GALNT13: variants seen among roughly 807,000 people sequenced by gnomAD.
GALNT13 encodes polypeptide N-acetylgalactosaminyltransferase 13.
Under a neutral mutation model 64.2 loss-of-function variants are expected in GALNT13, and 28 were observed. The observed-to-expected ratio is 0.44, with a 90% confidence interval of 0.32 to 0.60. The LOEUF (loss-of-function observed/expected upper bound fraction) is 0.60. Ranked by LOEUF, GALNT13 falls within the 20% of genes least tolerant of loss-of-function variation. The pLI is 0.05. For synonymous variants in GALNT13, 214 were observed against 224.6 expected (o/e 0.95, Z 0.42); for missense variants, 577 against 669.8 (o/e 0.86, Z 1.53).
the GALNT13 span, among the ~76,000 whole-genome samples, chr2:153,672,566 A>C: frequency 6.6e-6 from 1 of 152,182 alleles, no homozygotes; most frequent in Admixed American, 6.5e-5. Flanking sequence ...TGTAGGGGGA[A>C]ATTTGTAGCA....
the GALNT13 span, among the ~76,000 whole-genome samples, chr2:153,150,086 A>G: frequency 3.7e-3 from 558 of 151,960 alleles, 5 homozygotes; most frequent in African/African-American, 0.013. Flanking sequence ...CAGCATGTCT[A>G]TGGAAGAAAA....
intron 4 of GALNT13, among the ~76,000 whole-genome samples, chr2:154,240,991 C>T (rs998999533): frequency 3.3e-5 from 5 of 152,166 alleles, no homozygotes; most frequent in African/African-American, 1.2e-4. Context: ...TCCCACTGGT[C>T]AATGGCTTGC....
chr2:154,254,164 A>G (rs965548547), intron 7 of GALNT13, among the ~76,000 whole-genome samples: 3 of 152,332 alleles, frequency 2.0e-5, no homozygotes, highest in South Asian at 2.1e-4. Context: ...CCAGGTGACC[A>G]ATGGATGTGA....
chr2:154,274,020 T>C (rs1559061688), intron 8 of GALNT13, among the ~76,000 whole-genome samples: 3 of 152,128 alleles, frequency 2.0e-5, no homozygotes, highest in African/African-American at 7.2e-5. Flanking sequence ...ATGCATTTTG[T>C]AACATTTGCA....
At position 154,438,615 on chromosome 2, in the gene GALNT13, A is replaced by C; in HGVS notation, c.1419A>C (p.Lys473Asn). The C allele has an allele frequency of 6.2e-7, 1 of 1,612,170 alleles. No individual in the cohort carries two copies. The highest frequency in any genetic ancestry group is 1.1e-5 in the South Asian group (1 of 90,820). ...AGGTATTTTCTTACACTGCTGACAAAGAAATCCGAACCGATGACTTGTGCT... is the reference window on the plus strand; with the variant it reads ...AGGTATTTTCTTACACTGCTGACAACGAAATCCGAACCGATGACTTGTGCT... ...GNQVFSYTADKEIRTDDLCLD... is the reference protein window; with the variant it reads ...GNQVFSYTADNEIRTDDLCLD... Residue 473 changes from lysine (K) to asparagine (N), a missense_variant, in exon 12 of 13, where the codon AAA (lysine) becomes AAC (asparagine). Coordinates refer to ENST00000392825, the MANE Select transcript of GALNT13 (RefSeq NM_052917.4).
chr2:153,324,894 T>C, the GALNT13 span, among the ~76,000 whole-genome samples: 13 of 152,162 alleles, frequency 8.5e-5, no homozygotes, highest in Non-Finnish European at 1.3e-4. Context: ...CAGTCTTTTA[T>C]GGAAGATTTT....
At chr2:153,402,288 G>A in the GALNT13 span, among the ~76,000 whole-genome samples, 4 of 151,948 alleles carry the variant, frequency 2.6e-5, no homozygotes, top group African/African-American at 4.8e-5. Flanking sequence ...GGTCTCTGCC[G>A]AGAGATCTGC....
At chr2:153,769,222 T>C in the GALNT13 span, among the ~76,000 whole-genome samples, 5 of 152,226 alleles carry the variant, frequency 3.3e-5, no homozygotes, top group South Asian at 1.0e-3. Flanking sequence ...TATTTTATGA[T>C]GGTGAATACT....
At chr2:153,775,766 C>T in the GALNT13 span, among the ~76,000 whole-genome samples, 1 of 152,128 alleles carries the variant, frequency 6.6e-6, no homozygotes. Flanking sequence ...ATCACATCAT[C>T]TTTCTAGAGC....
chr2:153,993,233 T>C (rs1695283835), intron 3 of GALNT13, among the ~76,000 whole-genome samples: 1 of 152,186 alleles, frequency 6.6e-6, no homozygotes, highest in Admixed American at 6.5e-5. Flanking sequence ...TTGACAACTT[T>C]AGATATTTAC....
chr2:154,157,539 C>G (rs1474397284), intron 4 of GALNT13, among the ~76,000 whole-genome samples: 1 of 152,130 alleles, frequency 6.6e-6, no homozygotes, highest in South Asian at 2.1e-4. Flanking sequence ...TTATTCTTAC[C>G]AGAATGCAAA....
At chr2:153,171,369 A>G in the GALNT13 span, among the ~76,000 whole-genome samples, 2 of 152,198 alleles carry the variant, frequency 1.3e-5, no homozygotes, top group Admixed American at 1.3e-4. Flanking sequence ...TGTGACATAA[A>G]ATTATTACAG....
chr2:153,909,586 T>A (rs1688806434), intron 2 of GALNT13, among the ~76,000 whole-genome samples: 1 of 152,136 alleles, frequency 6.6e-6, no homozygotes, highest in Non-Finnish European at 1.5e-5. Flanking sequence ...GCTCTTACTA[T>A]TTTGAGGTAT....
At chr2:154,271,095 A>G (rs537870207) in intron 8 of GALNT13, among the ~76,000 whole-genome samples, 129 of 152,052 alleles carry the variant, frequency 8.5e-4, no homozygotes, top group African/African-American at 3.1e-3. Context: ...ACTATGATAT[A>G]AACTTTTTCT....
At chr2:154,030,718 C>T (rs1698279938) in intron 3 of GALNT13, among the ~76,000 whole-genome samples, 1 of 152,030 alleles carries the variant, frequency 6.6e-6, no homozygotes, top group Non-Finnish European at 1.5e-5. Context: ...GTTCTCATGA[C>T]ATCTGGCTTT....
chr2:153,101,800 T>C, the GALNT13 span, among the ~76,000 whole-genome samples: 1 of 152,274 alleles, frequency 6.6e-6, no homozygotes, highest in Admixed American at 6.5e-5. Flanking sequence ...TATAGACATA[T>C]GCACGTGCTC....
the GALNT13 span, among the ~76,000 whole-genome samples, chr2:153,406,006 C>T: frequency 6.6e-6 from 1 of 152,140 alleles, no homozygotes; most frequent in African/African-American, 2.4e-5. Flanking sequence ...GTAGTACTTC[C>T]CTCCCTGATC....
At chr2:153,346,026 G>A in the GALNT13 span, among the ~76,000 whole-genome samples, 1 of 152,050 alleles carries the variant, frequency 6.6e-6, no homozygotes, top group Non-Finnish European at 1.5e-5. Flanking sequence ...CCAGGCTGGA[G>A]TGCAGTGGCG....
At chr2:153,403,652 C>G in the GALNT13 span, among the ~76,000 whole-genome samples, 4 of 152,172 alleles carry the variant, frequency 2.6e-5, no homozygotes, top group African/African-American at 4.8e-5. Flanking sequence ...TCAAGCCGGT[C>G]GGAAAAGCAC....
Sources: allele counts gnomAD v4.1 joint callset (sites outside exome capture counted in the v4.1 genomes callset), GRCh38; gene constraint gnomAD v4.1.1; transcripts MANE v1.5; gene names NCBI Gene and HGNC (gene_info 2026-07-23, HGNC 2026-07-21).